RYR2: variants seen among roughly 807,000 people sequenced by gnomAD.
The protein encoded by RYR2 is cardiac muscle ryanodine receptor-calcium release channel.
A neutral mutation model predicts 601.1 loss-of-function variants in RYR2; 227 were observed. That is an observed-to-expected ratio of 0.38 (90% confidence interval 0.34 to 0.42). The LOEUF is 0.42. Ranked by LOEUF, RYR2 falls within the 10% of genes least tolerant of loss-of-function variation. The pLI, the probability that RYR2 is intolerant of heterozygous loss-of-function variation, is 1.00. For missense variants in RYR2, 4,646 were observed against 6,156.5 expected, an observed-to-expected ratio of 0.75 and a Z score of 8.21; for synonymous variants, 2,223 against 2,175.1, an observed-to-expected ratio of 1.02 and a Z score of -0.61.
chr1:237,364,425 T>C, intron 5 of RYR2, 53 bp downstream of exon 5: 4 of 978,148 alleles, frequency 4.1e-6, no homozygotes, highest in Non-Finnish European at 4.6e-6. Flanking sequence ...TATATTACTA[T>C]ATATGGATTA....
chr1:237,590,187 T>A lies in RYR2; in HGVS notation c.3807+186T>A, dbSNP rs371423732. On this transcript the variant is annotated intron_variant, in intron 30 of 104. Coordinates refer to ENST00000366574, the MANE Select transcript of RYR2 (RefSeq NM_001035.3). ...CAGCTATCAGTGGATGGGAAACTTT[T>A]AAATTTTTGCTTTCAATTCTTTTTT... Among the ~76,000 whole-genome samples the A allele has an allele frequency of 2.0e-5, 3 of 148,980 alleles. No individual in the cohort carries two copies. In the Admixed American group the frequency reaches 2.1e-4, roughly 10 times the overall value.
At chr1:237,499,283 A>G (rs1398970944) in intron 20 of RYR2, among the ~76,000 whole-genome samples, 1 of 152,150 alleles carries the variant, frequency 6.6e-6, no homozygotes, top group African/African-American at 2.4e-5. Flanking sequence ...CTCTCTGTCA[A>G]TGCAGAACTG....
chr1:237,110,068 T>C (rs1288206222), intron 1 of RYR2, among the ~76,000 whole-genome samples: 1 of 152,190 alleles, frequency 6.6e-6, no homozygotes, highest in African/African-American at 2.4e-5. Flanking sequence ...TATCCTGGTA[T>C]GAATTTTCTT....
intron 82 of RYR2, among the ~76,000 whole-genome samples, chr1:237,758,875 C>A (rs1242288895): frequency 6.6e-6 from 1 of 152,138 alleles, no homozygotes; most frequent in African/African-American, 2.4e-5. Flanking sequence ...GCTAACAAGA[C>A]AAAGCATTGC....
intron 3 of RYR2, among the ~76,000 whole-genome samples, chr1:237,343,203 A>T (rs1226380388): frequency 6.6e-6 from 1 of 152,040 alleles, no homozygotes; most frequent in Non-Finnish European, 1.5e-5. Context: ...AACCTGGGTG[A>T]CAGAGCGAGA....
intron 35 of RYR2, 119 bp downstream of exon 35, chr1:237,602,230 C>A (rs997130720): frequency 4.5e-6 from 3 of 661,556 alleles, no homozygotes; most frequent in African/African-American, 3.8e-5. Flanking sequence ...ATCATTCTTT[C>A]AAGAAAAGAT....
At chr1:237,118,880 C>T (rs1233523263) in intron 1 of RYR2, among the ~76,000 whole-genome samples, 1 of 151,852 alleles carries the variant, frequency 6.6e-6, no homozygotes, top group South Asian at 2.1e-4. Flanking sequence ...GAAACCGGAA[C>T]TACTTAGTCT....
chr1:237,470,983 T>C (rs146454976), intron 17 of RYR2: 3 of 154,392 alleles, frequency 1.9e-5, no homozygotes, highest in African/African-American at 4.8e-5. Context: ...CCAGATTTTA[T>C]AGGCAGGCTT....
chr1:237,467,014 T>C (rs1221102228), intron 16 of RYR2, among the ~76,000 whole-genome samples: 1 of 151,376 alleles, frequency 6.6e-6, no homozygotes, highest in Non-Finnish European at 1.5e-5. Context: ...TGGCTTACTT[T>C]ATAATTTTCT....
intron 1 of RYR2, among the ~76,000 whole-genome samples, chr1:237,155,178 T>A (rs1193762722): frequency 1.7e-5 from 1 of 57,576 alleles, no homozygotes; most frequent in East Asian, 5.8e-4. Context: ...TTTTTTCTTT[T>A]CTTTTTTTTT....
Position 237,660,934 on chromosome 1 carries a change from C to G in RYR2, c.8423C>G (p.Ser2808Cys). The G allele has an allele frequency of 7.0e-7, 1 of 1,431,830 alleles. No homozygotes were observed. The highest frequency in any genetic ancestry group is 9.2e-7 in the Non-Finnish European group (1 of 1,085,104). The allele number at this position is 1,431,830 out of a possible 1,614,324, so 88.7% of individuals were successfully genotyped here. The change falls in exon 56 of 105, where the codon TCT (serine) becomes TGT (cysteine). Residue 2808 changes from serine to cysteine, a missense_variant. By Grantham distance (112) the Ser-to-Cys change is moderately radical. Transcript: ENST00000366574. ...CTTTACAACCGGACTCGTCGTATTT[C>G]TCAGACAAGCCAGGTAAGAATTCAT... ...MALYNRTRRI[S>C]QTSQVSVDAA... is the part of the protein sequence containing the mutation.
intron 12 of RYR2, among the ~76,000 whole-genome samples, chr1:237,426,158 A>T (rs149207162): frequency 6.6e-6 from 1 of 152,136 alleles, no homozygotes; most frequent in Admixed American, 6.5e-5. Context: ...AACATTCCCA[A>T]TGCCTTTCTC....
intron 58 of RYR2, among the ~76,000 whole-genome samples, chr1:237,669,702 A>G (rs1684713576): frequency 6.6e-6 from 1 of 151,660 alleles, no homozygotes; most frequent in East Asian, 2.0e-4. Flanking sequence ...GCGGCCGGGC[A>G]GAGACGCTCC....
chr1:237,513,320 T>C (rs957417086), intron 24 of RYR2, among the ~76,000 whole-genome samples: 1 of 152,230 alleles, frequency 6.6e-6, no homozygotes, highest in African/African-American at 2.4e-5. Flanking sequence ...CTGGATTTGT[T>C]CCAATAGGTC....
chr1:237,650,559 C>T (rs1682629689), intron 50 of RYR2, among the ~76,000 whole-genome samples: 1 of 152,196 alleles, frequency 6.6e-6, no homozygotes, highest in South Asian at 2.1e-4. Context: ...CTGAATATTT[C>T]CTCCAACCTG....
intron 1 of RYR2, among the ~76,000 whole-genome samples, chr1:237,101,050 G>T (rs1205357815): frequency 1.3e-5 from 2 of 152,048 alleles, no homozygotes; most frequent in Non-Finnish European, 2.9e-5. Context: ...CCGCATGACG[G>T]TGCTTTCCTT....
At position 237,707,089 on chromosome 1, in the gene RYR2, A is replaced by G. The variant is rs1408171604; in HGVS notation, c.9721A>G (p.Met3241Val). The change falls in exon 68 of 105, where the codon ATG (methionine) becomes GTG (valine). Residue 3241 changes from methionine to valine, a missense_variant. Met to Val is a conservative substitution (Grantham distance 21). Transcript: ENST00000366574. ...MPHVMEVILP[M>V]LCSYMSRWWE... ...ACATGTCATGGAAGTCATACTGCCC[A>G]TGCTTTGCAGCTACATGTCTCGTTG... 4 of 1,613,986 alleles carry G rather than the reference A, an allele frequency of 2.5e-6. No homozygotes were observed. Among genetic ancestry groups the G allele is most frequent in the Non-Finnish European group, 2.5e-6 (3 of 1,179,882 alleles).
rs1252667379 is a variant in RYR2, at chr1:237,705,255, T to G, written c.9492T>G (p.Gly3164=). 1.2e-6 allele frequency: 2 copies of G among 1,607,264 alleles called. No homozygotes were observed. The highest frequency in any genetic ancestry group is 3.4e-5 in the Admixed American group (2 of 59,236). ...GAGAATGTCTAGCTGCCTTTGCTGG[T>G]GCTTTTCCTGTAGCATTTTTGGAAA... ...ALGECLAAFA[G]AFPVAFLETH... The change falls in exon 67 of 105, where the codon GGT becomes GGG. Residue 3164 remains glycine, a synonymous_variant. Coordinates refer to ENST00000366574, the MANE Select transcript of RYR2 (RefSeq NM_001035.3).
chr1:237,651,905 T>C (rs558837666), intron 51 of RYR2, among the ~76,000 whole-genome samples: 17 of 152,150 alleles, frequency 1.1e-4, no homozygotes, highest in East Asian at 1.9e-4. Flanking sequence ...GACGTGGTGG[T>C]GGGTGCCTGT....
Sources: gnomAD v4.1 joint callset for allele counts (sites outside exome capture counted in the v4.1 genomes callset) on GRCh38, gnomAD v4.1.1 for gene constraint, MANE v1.5 for transcripts, NCBI Gene and HGNC (gene_info 2026-07-23, HGNC 2026-07-21) for gene names.